FGF14: variants seen among roughly 807,000 people sequenced by gnomAD.
The protein encoded by FGF14 is fibroblast growth factor homologous factor 4.
A neutral mutation model predicts 25.5 loss-of-function variants in FGF14; 5 were observed. The observed-to-expected ratio is 0.20, with a 90% confidence interval of 0.10 to 0.41. The LOEUF is 0.41. Ranked by LOEUF, FGF14 falls within the 10% of genes least tolerant of loss-of-function variation. FGF14 has a pLI of 1.00. For synonymous variants in FGF14, 138 were observed against 118.3 expected (o/e 1.17, Z -1.08); for missense variants, 222 against 320.1 (o/e 0.69, Z 2.34).
chr13:101,993,249 G>A (rs2039002252), intron 1 of FGF14, among the ~76,000 whole-genome samples: 1 of 148,948 alleles, frequency 6.7e-6, no homozygotes, highest in African/African-American at 2.4e-5. Flanking sequence ...TCTATATCCT[G>A]AAAAATTATC....
chr13:102,102,917 C>T (rs1043633444), intron 1 of FGF14, among the ~76,000 whole-genome samples: 2 of 152,188 alleles, frequency 1.3e-5, no homozygotes, highest in African/African-American at 4.8e-5. Context: ...GGGCCAGCTT[C>T]CAAGCCTGCA....
At chr13:101,814,404 T>G (rs1292962807) in intron 3 of FGF14, among the ~76,000 whole-genome samples, 1 of 152,264 alleles carries the variant, frequency 6.6e-6, no homozygotes, top group East Asian at 1.9e-4. Context: ...CTTAAAAATG[T>G]ATCTTCACAA....
chr13:101,976,727 G>C (rs564202144), intron 1 of FGF14, among the ~76,000 whole-genome samples: 14 of 152,244 alleles, frequency 9.2e-5, no homozygotes, highest in African/African-American at 3.4e-4. Context: ...TTAAATCATA[G>C]CAATTGCCAA....
intron 1 of FGF14, among the ~76,000 whole-genome samples, chr13:102,198,088 A>G (rs1274660820): frequency 6.6e-6 from 1 of 152,102 alleles, no homozygotes; most frequent in African/African-American, 2.4e-5. Flanking sequence ...GCCCTGGCGC[A>G]GAGTTGTCAT....
At chr13:102,308,765 C>T (rs750072902) in intron 1 of FGF14, among the ~76,000 whole-genome samples, 1 of 151,996 alleles carries the variant, frequency 6.6e-6, no homozygotes, top group Non-Finnish European at 1.5e-5. Context: ...TGCCAATCTG[C>T]CCTCACACAA....
At chr13:101,865,078 T>C (rs943195380) in intron 3 of FGF14, among the ~76,000 whole-genome samples, 4 of 152,168 alleles carry the variant, frequency 2.6e-5, no homozygotes, top group African/African-American at 9.6e-5. Flanking sequence ...CAGTCTCTTT[T>C]ACGTCCTTCT....
At chr13:102,085,246 G>C (rs1419005378) in intron 1 of FGF14, among the ~76,000 whole-genome samples, 1 of 151,876 alleles carries the variant, frequency 6.6e-6, no homozygotes, top group African/African-American at 2.4e-5. Flanking sequence ...ATGTGCTGGT[G>C]GGGGAGGGGG....
intron 1 of FGF14, among the ~76,000 whole-genome samples, chr13:102,326,755 G>GGA (rs2056464403): frequency 1.1e-5 from 1 of 90,108 alleles, no homozygotes; most frequent in Admixed American, 9.7e-5. Context: ...AGGAAGGAAA[G>GGA]AGGGAGGGAA....
intron 1 of FGF14, among the ~76,000 whole-genome samples, chr13:102,235,689 C>A (rs1394376012): frequency 1.3e-5 from 2 of 152,152 alleles, no homozygotes; most frequent in Non-Finnish European, 2.9e-5. Context: ...AAATGTGTCT[C>A]TTCAAGGCAA....
intron 1 of FGF14, among the ~76,000 whole-genome samples, chr13:101,931,289 C>A (rs1292267199): frequency 6.6e-6 from 1 of 152,140 alleles, no homozygotes; most frequent in Non-Finnish European, 1.5e-5. Flanking sequence ...CTTCCCAGCT[C>A]CTTCCATTCT....
At chr13:101,786,408 G>A (rs1375692009) in intron 3 of FGF14, among the ~76,000 whole-genome samples, 1 of 152,174 alleles carries the variant, frequency 6.6e-6, no homozygotes, top group African/African-American at 2.4e-5. Context: ...TGGAGGGGTG[G>A]AGGACGGGGA....
chr13:101,892,486 G>A (rs1159526505), intron 1 of FGF14, among the ~76,000 whole-genome samples: 1 of 152,100 alleles, frequency 6.6e-6, no homozygotes, highest in African/African-American at 2.4e-5. Flanking sequence ...GTAATTACAT[G>A]GGCCATTGAA....
chr13:101,754,761 A>G (rs2037533652), intron 3 of FGF14, among the ~76,000 whole-genome samples: 1 of 152,146 alleles, frequency 6.6e-6, no homozygotes, highest in South Asian at 2.1e-4. Context: ...TTTCTTAACA[A>G]AAATAGTTGA....
rs1334374834 is a variant in FGF14, at chr13:102,026,699, C to T, written c.209-151403G>A. ...GAGCACTCAATGGCTAGAAATAAAA[C>T]TACTTTTCACTTTAATATCACTGGG... On this transcript the variant is annotated intron_variant, in intron 1 of 4. Coordinates refer to the FGF14 transcript ENST00000376131. Among the ~76,000 whole-genome samples the T allele has an allele frequency of 7.0e-4, 106 of 151,936 alleles. 1 individual carries two copies. Among genetic ancestry groups the T allele is most frequent in the Non-Finnish European group, 2.9e-5 (2 of 67,926 alleles).
At chr13:102,249,549 G>GGTGTGTGTGT (rs55773652) in intron 1 of FGF14, among the ~76,000 whole-genome samples, 31 of 150,296 alleles carry the variant, frequency 2.1e-4, no homozygotes, top group African/African-American at 7.3e-4. Context: ...TACTGAGAGG[G>GGTGTGTGTGT]GTGTGTGTGT....
intron 3 of FGF14, among the ~76,000 whole-genome samples, chr13:101,832,822 A>T (rs765141946): frequency 6.6e-6 from 1 of 152,066 alleles, no homozygotes; most frequent in Non-Finnish European, 1.5e-5. Flanking sequence ...GTAGTGTGGG[A>T]TGAGTTTATA....
chr13:102,105,046 T>C (rs2044841529), intron 1 of FGF14, among the ~76,000 whole-genome samples: 1 of 152,186 alleles, frequency 6.6e-6, no homozygotes, highest in Non-Finnish European at 1.5e-5. Context: ...AAGGAAAATA[T>C]CAATTTTCTA....
intron 1 of FGF14, among the ~76,000 whole-genome samples, chr13:102,288,221 A>C (rs188122174): frequency 1.3e-3 from 201 of 152,328 alleles, no homozygotes; most frequent in Non-Finnish European, 2.5e-3. Flanking sequence ...ACTAAAATCT[A>C]CTGCAAACTG....
chr13:101,977,102 G>C (rs1015486903), intron 1 of FGF14, among the ~76,000 whole-genome samples: 1 of 152,120 alleles, frequency 6.6e-6, no homozygotes, highest in Admixed American at 6.5e-5. Context: ...TGAATAGATA[G>C]AAGAATTTGC....
Sources: gnomAD v4.1 joint callset for allele counts (sites outside exome capture counted in the v4.1 genomes callset) on GRCh38, gnomAD v4.1.1 for gene constraint, MANE v1.5 for transcripts, NCBI Gene and HGNC (gene_info 2026-07-23, HGNC 2026-07-21) for gene names.